Variants in KCNIP4 observed in about 807,000 individuals in gnomAD.
KCNIP4 encodes the protein potassium voltage-gated channel interacting protein 4, also known as Kv channel-interacting protein 4.
In KCNIP4, 12 loss-of-function variants were observed where a neutral mutation model predicts 34.0. The observed-to-expected ratio is 0.35, with a 90% CI of 0.23 to 0.57. The LOEUF (loss-of-function observed/expected upper bound fraction) is 0.57. Among genes scored for constraint, KCNIP4 ranks in the 20% least tolerant of loss-of-function variants. KCNIP4 has a pLI of 0.83. For synonymous variants in KCNIP4, 124 were observed against 102.2 expected (o/e 1.21, Z -1.29); for missense variants, 238 against 311.7 (o/e 0.76, Z 1.78).
chr4:20,858,104 G>A lies in KCNIP4; in HGVS notation c.164-7437C>T, dbSNP rs1329323370. ...TGGGTGCCTGTAATCCCAGCTACTC[G>A]GGAGGCTGAGGCAGAAGAATTGCTT... On this transcript the variant is annotated intron_variant, in intron 2 of 8. Coordinates refer to ENST00000382152, the MANE Select transcript of KCNIP4 (RefSeq NM_025221.6). 2.0e-5 allele frequency among the ~76,000 whole-genome samples: 3 copies of A among 150,846 alleles called. 1 individual carries two copies. Among genetic ancestry groups the A allele is most frequent in the Non-Finnish European group, 4.4e-5 (3 of 67,796 alleles).
chr4:21,468,817 A>G (rs1448086897), intron 1 of KCNIP4, among the ~76,000 whole-genome samples: 1 of 152,064 alleles, frequency 6.6e-6, no homozygotes, highest in Admixed American at 6.6e-5. Context: ...CTTTTTTGCT[A>G]GCGCACTTTT....
intron 1 of KCNIP4, among the ~76,000 whole-genome samples, chr4:21,651,694 AAAAC>A (rs1013047887): frequency 6.6e-6 from 1 of 152,222 alleles, no homozygotes; most frequent in Non-Finnish European, 1.5e-5. Context: ...TAACAGCAAC[AAAAC>A]AAATAAATGA....
intron 1 of KCNIP4, among the ~76,000 whole-genome samples, chr4:21,653,794 A>G (rs1747698327): frequency 6.6e-6 from 1 of 152,184 alleles, no homozygotes; most frequent in South Asian, 2.1e-4. Context: ...GTGGTAACAA[A>G]ACAAGCAGGC....
At chr4:20,951,046 T>G (rs559383799) in intron 1 of KCNIP4, among the ~76,000 whole-genome samples, 1 of 152,182 alleles carries the variant, frequency 6.6e-6, no homozygotes, top group African/African-American at 2.4e-5. Context: ...GGTCATAAGG[T>G]TGGGACACTG....
chr4:20,841,277 T>C (rs1391882376), intron 3 of KCNIP4, among the ~76,000 whole-genome samples: 2 of 152,230 alleles, frequency 1.3e-5, no homozygotes, highest in Non-Finnish European at 2.9e-5. Context: ...ATTTATTGAT[T>C]ACCTGTCATA....
chr4:20,758,498 A>G (rs1754669648), intron 4 of KCNIP4, among the ~76,000 whole-genome samples: 1 of 152,204 alleles, frequency 6.6e-6, no homozygotes, highest in African/African-American at 2.4e-5. Flanking sequence ...GAATCAAGTG[A>G]GACCTACAAT....
chr4:21,234,475 A>ATTACATATAAC (rs1759183429), intron 1 of KCNIP4, among the ~76,000 whole-genome samples: 1 of 107,626 alleles, frequency 9.3e-6, no homozygotes, highest in South Asian at 2.8e-4. Context: ...TATAATATAT[A>ATTACATATAAC]GTACATATAA....
At chr4:21,073,167 T>C (rs1484381582) in intron 1 of KCNIP4, among the ~76,000 whole-genome samples, 3 of 152,192 alleles carry the variant, frequency 2.0e-5, no homozygotes, top group African/African-American at 7.2e-5. Flanking sequence ...AAGTAGTTTT[T>C]TCCAATTCTG....
At chr4:20,967,581 T>G (rs1325653742) in intron 1 of KCNIP4, among the ~76,000 whole-genome samples, 2 of 151,974 alleles carry the variant, frequency 1.3e-5, no homozygotes, top group Admixed American at 6.6e-5. Flanking sequence ...CCAAAACACA[T>G]ATATAGACCA....
intron 1 of KCNIP4, among the ~76,000 whole-genome samples, chr4:21,138,533 T>TC (rs1187249616): frequency 2.9e-5 from 1 of 34,754 alleles, no homozygotes; most frequent in East Asian, 3.8e-4. Flanking sequence ...TTTCTTCTTC[T>TC]TTTTTTTGGT....
At chr4:21,614,873 T>C (rs1744466618) in intron 1 of KCNIP4, among the ~76,000 whole-genome samples, 1 of 152,160 alleles carries the variant, frequency 6.6e-6, no homozygotes, top group East Asian at 1.9e-4. Context: ...AGCCATTTCA[T>C]GGAGGGATCT....
At chr4:21,361,072 T>C (rs1342439913) in intron 1 of KCNIP4, among the ~76,000 whole-genome samples, 2 of 152,100 alleles carry the variant, frequency 1.3e-5, no homozygotes, top group Admixed American at 1.3e-4. Context: ...TTAAATGCTT[T>C]AAGCAGTCCT....
chr4:20,950,818 A>G (rs1732703069), intron 1 of KCNIP4, among the ~76,000 whole-genome samples: 1 of 152,172 alleles, frequency 6.6e-6, no homozygotes, highest in Admixed American at 6.5e-5. Context: ...ATGGTCAAAA[A>G]GAAAAGTAAC....
rs577604253 is a variant in KCNIP4, at chr4:21,289,839, T to C, written c.62-407130A>G. On this transcript the variant is annotated intron_variant, in intron 1 of 8. Transcript: ENST00000382152. ...CTCAGAAATGAAGGAAGCTGAGAAT[T>C]GCCAAGCAGCCACAGACTCCCACTC... Among the ~76,000 whole-genome samples the C allele has an allele frequency of 3.3e-5, 5 of 152,244 alleles. No individual in the cohort carries two copies. In the East Asian group the frequency reaches 7.8e-4, roughly 24 times the overall value.
chr4:21,747,487 A>G (rs1716853002), intron 1 of KCNIP4, among the ~76,000 whole-genome samples: 1 of 152,148 alleles, frequency 6.6e-6, no homozygotes, highest in African/African-American at 2.4e-5. Context: ...CTCAACTCTT[A>G]GTTCAGTGCA....
chr4:21,658,193 A>G (rs1748130018), intron 1 of KCNIP4, among the ~76,000 whole-genome samples: 1 of 152,176 alleles, frequency 6.6e-6, no homozygotes, highest in Admixed American at 6.5e-5. Flanking sequence ...AAAGCAATAA[A>G]AATTCTACAA....
intron 1 of KCNIP4, among the ~76,000 whole-genome samples, chr4:21,837,799 G>T (rs532760038): frequency 6.6e-6 from 1 of 152,114 alleles, no homozygotes; most frequent in Admixed American, 6.5e-5. Context: ...TGGAGTTTGG[G>T]ATCCTGAATA....
intron 3 of KCNIP4, among the ~76,000 whole-genome samples, chr4:20,850,133 A>T (rs1234050811): frequency 6.6e-6 from 1 of 152,228 alleles, no homozygotes; most frequent in Non-Finnish European, 1.5e-5. Context: ...TATAAAAGTT[A>T]CAGTAATTAT....
intron 1 of KCNIP4, among the ~76,000 whole-genome samples, chr4:21,439,718 C>G (rs984557804): frequency 6.6e-6 from 1 of 151,096 alleles, no homozygotes; most frequent in Non-Finnish European, 1.5e-5. Context: ...GGAATCGAGA[C>G]AGCCATTTTA....
Sources: allele counts gnomAD v4.1 joint callset (sites outside exome capture counted in the v4.1 genomes callset), GRCh38; gene constraint gnomAD v4.1.1; transcripts MANE v1.5; gene names NCBI Gene and HGNC (gene_info 2026-07-23, HGNC 2026-07-21).